Variants in ARHGAP26 observed in about 807,000 individuals in gnomAD.
The protein encoded by ARHGAP26 is rho GTPase-activating protein 26.
In ARHGAP26, 38 loss-of-function variants were observed where a neutral mutation model predicts 104.8. The ratio of observed to expected loss-of-function variants is 0.36; its 90% CI spans 0.28 to 0.48. ARHGAP26 has a LOEUF of 0.48. Ranked by LOEUF, ARHGAP26 falls within the 20% of genes least tolerant of loss-of-function variation. The probability of loss-of-function intolerance (pLI) is 0.99; values close to 1 mark genes in which losing one functional copy is unlikely to be tolerated. For synonymous variants in ARHGAP26, 341 were observed against 340.0 expected (o/e 1.00, Z -0.03); for missense variants, 704 against 947.9 (o/e 0.74, Z 3.38).
Position 143,226,915 on chromosome 5 carries a change from C to T in ARHGAP26, c.*4469C>T, listed in dbSNP as rs115688610. On this transcript the variant is annotated 3_prime_UTR_variant, in exon 23 of 23. Coordinates refer to ENST00000645722, the MANE Select transcript of ARHGAP26 (RefSeq NM_001135608.3). ...TGCAGAGTTGTGTGTGCCATACCTG[C>T]GGCTCAAAGGGAAGGCCTTCTATCC... 1.9e-3 allele frequency: 433 copies of T among 226,624 alleles called. No individual in the cohort carries two copies. The highest frequency in any genetic ancestry group is 8.3e-3 in the African/African-American group (375 of 45,062). 14.0% of individuals were successfully genotyped at this position (226,624 alleles called of 1,614,324 possible). A position where few individuals can be genotyped will look rare whatever the true frequency, so the allele number is the denominator to read the frequency against.
At chr5:142,946,352 C>T (rs887384737) in intron 11 of ARHGAP26, among the ~76,000 whole-genome samples, 1 of 152,212 alleles carries the variant, frequency 6.6e-6, no homozygotes. Context: ...TGTGACCTCT[C>T]ACCTCCAGCA....
chr5:142,854,433 C>A (rs58502249), intron 1 of ARHGAP26, among the ~76,000 whole-genome samples: 3 of 152,138 alleles, frequency 2.0e-5, no homozygotes, highest in Non-Finnish European at 4.4e-5. Context: ...GTTTGGGGAA[C>A]GTAAGGACTA....
chr5:143,076,362 A>G (rs1388617952), intron 17 of ARHGAP26, among the ~76,000 whole-genome samples: 1 of 152,112 alleles, frequency 6.6e-6, no homozygotes, highest in Non-Finnish European at 1.5e-5. Context: ...AAGACAATGT[A>G]AAGGAATCCT....
At position 143,207,323 on chromosome 5, in the gene ARHGAP26, T is replaced by G. The variant is rs147594828; in HGVS notation, c.2099+15T>G. 1.9e-6 allele frequency: 3 copies of G among 1,614,042 alleles called. No individual in the cohort carries two copies. In the African/African-American group the frequency reaches 4.0e-5, roughly 22 times the overall value. ...TCCCCCGTCAGGTCTGTTGCAGGGT[T>G]TGTTTGGTTTTCTGTTGCTGCCGTT... On this transcript the variant is annotated intron_variant, in intron 21 of 22. Coordinates refer to ENST00000645722, the MANE Select transcript of ARHGAP26 (RefSeq NM_001135608.3).
chr5:142,971,241 A>C (rs1231229079), intron 11 of ARHGAP26, among the ~76,000 whole-genome samples: 1 of 152,232 alleles, frequency 6.6e-6, no homozygotes, highest in Non-Finnish European at 1.5e-5. Flanking sequence ...TGCTTGGTAC[A>C]GTACTATAAA....
At chr5:143,184,853 C>T (rs572415900) in intron 20 of ARHGAP26, among the ~76,000 whole-genome samples, 1 of 152,228 alleles carries the variant, frequency 6.6e-6, no homozygotes, top group South Asian at 2.1e-4. Flanking sequence ...CCAAATTGCC[C>T]CACTGGGGGT....
intron 3 of ARHGAP26, among the ~76,000 whole-genome samples, chr5:142,878,923 T>G (rs941164603): frequency 3.9e-5 from 6 of 152,148 alleles, no homozygotes; most frequent in Non-Finnish European, 7.4e-5. Context: ...AAAATCAAGC[T>G]TGGAAGGTTT....
intron 11 of ARHGAP26, among the ~76,000 whole-genome samples, chr5:142,969,802 G>A (rs1376987753): frequency 6.6e-6 from 1 of 152,064 alleles, no homozygotes; most frequent in African/African-American, 2.4e-5. Flanking sequence ...TATGGGTTGA[G>A]GACCTCTGTA....
At chr5:143,121,241 A>G in intron 18 of ARHGAP26, 94 bp downstream of exon 18, 1 of 1,306,284 alleles carries the variant, frequency 7.7e-7, no homozygotes. Context: ...TTGCATTGCT[A>G]ATCACTCTTA....
chr5:143,192,457 C>T (rs1806085923), intron 20 of ARHGAP26: 1 of 152,266 alleles, frequency 6.6e-6, no homozygotes, highest in East Asian at 1.9e-4. Context: ...CAGGTGCCTG[C>T]TTGCTCTATG....
At chr5:143,195,273 G>A (rs1806643293) in intron 20 of ARHGAP26, among the ~76,000 whole-genome samples, 1 of 152,170 alleles carries the variant, frequency 6.6e-6, no homozygotes, top group South Asian at 2.1e-4. Context: ...TGAACATAGT[G>A]AAATATTATA....
chr5:143,106,184 T>C (rs909029913), intron 17 of ARHGAP26, among the ~76,000 whole-genome samples: 1 of 152,192 alleles, frequency 6.6e-6, no homozygotes, highest in Non-Finnish European at 1.5e-5. Flanking sequence ...TGTGGCTTTC[T>C]CCTTGATGTA....
intron 14 of ARHGAP26, among the ~76,000 whole-genome samples, chr5:143,054,064 T>C (rs1785439360): frequency 6.6e-6 from 1 of 152,232 alleles, no homozygotes; most frequent in South Asian, 2.1e-4. Context: ...GCTGAACGTT[T>C]CTGGGGTCTG....
intron 1 of ARHGAP26, among the ~76,000 whole-genome samples, chr5:142,815,433 A>G (rs1325776534): frequency 6.6e-6 from 1 of 152,246 alleles, no homozygotes; most frequent in African/African-American, 2.4e-5. Flanking sequence ...GTTACACTGA[A>G]GGAGGACATT....
intron 1 of ARHGAP26, among the ~76,000 whole-genome samples, chr5:142,792,203 T>G (rs1759996349): frequency 6.6e-6 from 1 of 152,226 alleles, no homozygotes; most frequent in Non-Finnish European, 1.5e-5. Flanking sequence ...TGCACAAAAT[T>G]TATCTGAAAT....
At chr5:143,123,822 CT>C (rs1173690404) in intron 18 of ARHGAP26, among the ~76,000 whole-genome samples, 4 of 152,208 alleles carry the variant, frequency 2.6e-5, no homozygotes, top group African/African-American at 9.6e-5. Flanking sequence ...CACCACTGCA[CT>C]CCAACCTGGG....
intron 1 of ARHGAP26, among the ~76,000 whole-genome samples, chr5:142,808,020 G>A (rs918827705): frequency 2.6e-5 from 4 of 151,910 alleles, no homozygotes; most frequent in African/African-American, 9.7e-5. Flanking sequence ...CGGATCACGA[G>A]GTCAGGAGAT....
At chr5:142,946,616 T>C (rs1295667692) in intron 11 of ARHGAP26, 1 of 152,252 alleles carries the variant, frequency 6.6e-6, no homozygotes, top group African/African-American at 2.4e-5. Flanking sequence ...TCAAAGATGA[T>C]ATTTAAAAAC....
intron 11 of ARHGAP26, among the ~76,000 whole-genome samples, chr5:142,993,353 T>G (rs1236428063): frequency 1.3e-5 from 2 of 151,912 alleles, no homozygotes; most frequent in Non-Finnish European, 2.9e-5. Flanking sequence ...GTATTTTTAG[T>G]AGAGATGGGG....
Sources: allele counts gnomAD v4.1 joint callset (sites outside exome capture counted in the v4.1 genomes callset), GRCh38; gene constraint gnomAD v4.1.1; transcripts MANE v1.5; gene names NCBI Gene and HGNC (gene_info 2026-07-23, HGNC 2026-07-21).